The following ABI3BP variants were observed in gnomAD, a reference collection of about 807,000 sequenced individuals.
ABI3BP encodes the protein target of Nesh-SH3.
Under a neutral mutation model 268.6 loss-of-function variants are expected in ABI3BP, and 216 were observed. The ratio of observed to expected loss-of-function variants is 0.80; its 90% CI spans 0.72 to 0.90. The LOEUF is 0.90. ABI3BP is among the 40% of genes least tolerant of loss of function. The pLI, the probability that ABI3BP is intolerant of heterozygous loss-of-function variation, is 0.00. For missense variants in ABI3BP, 2,090 were observed against 2,182.4 expected (o/e 0.96, Z 0.84); for synonymous variants, 730 against 730.0 (o/e 1.00, Z 0.00).
chr3:100,958,817 C>T (rs7641631), intron 1 of ABI3BP, among the ~76,000 whole-genome samples: 17,572 of 152,178 alleles, frequency 0.12, 1,295 homozygotes, highest in Middle Eastern at 0.2. Context: ...GACTATCATT[C>T]GAATACAGAA....
At chr3:100,787,639 A>G (rs997378656) in intron 57 of ABI3BP, 89 bp downstream of exon 57, 20 of 1,142,440 alleles carry the variant, frequency 1.8e-5, no homozygotes, top group Non-Finnish European at 2.4e-5. Context: ...TAAAAAGGAA[A>G]TTAAAATGTG....
rs189052681 is a variant in ABI3BP at position 100,961,729 on chromosome 3, A to G, written c.79+31577T>C. 1.0e-3 allele frequency among the ~76,000 whole-genome samples: 154 copies of G among 152,284 alleles called. No homozygotes were observed. In the Middle Eastern group the frequency reaches 0.027, roughly 27 times the overall value. ...CCTTCAATAAATCTGTTCCACTTCC[A>G]AAGGATCCCACTCTTTAACCACAGC... On this transcript the variant is annotated intron_variant, in intron 1 of 67. Transcript: ENST00000471714.
At chr3:100,825,513 C>A (rs115338783) in intron 35 of ABI3BP, among the ~76,000 whole-genome samples, 68 of 152,162 alleles carry the variant, frequency 4.5e-4, no homozygotes, top group African/African-American at 1.5e-3. Context: ...GCAAATGAAG[C>A]ACAGGATGAC....
intron 2 of ABI3BP, among the ~76,000 whole-genome samples, chr3:100,920,202 C>T (rs1182856422): frequency 6.6e-6 from 1 of 152,130 alleles, no homozygotes; most frequent in African/African-American, 2.4e-5. Flanking sequence ...ACAAAAACCA[C>T]AAAACTGCCA....
chr3:100,927,853 C>T (rs747508365), intron 1 of ABI3BP, among the ~76,000 whole-genome samples: 1 of 152,048 alleles, frequency 6.6e-6, no homozygotes, highest in African/African-American at 2.4e-5. Flanking sequence ...TTAAACCTGG[C>T]CCATAGTAAT....
intron 1 of ABI3BP, among the ~76,000 whole-genome samples, chr3:100,988,192 C>T (rs962155588): frequency 2.0e-5 from 3 of 152,138 alleles, no homozygotes; most frequent in African/African-American, 7.2e-5. Context: ...GTGGACTGAG[C>T]TGTTGGAGTG....
intron 35 of ABI3BP, 59 bp downstream of exon 35, chr3:100,825,726 A>C: frequency 7.7e-7 from 1 of 1,305,968 alleles, no homozygotes; most frequent in South Asian, 1.3e-5. Context: ...GACTGAATGG[A>C]CTGTACAACA....
intron 14 of ABI3BP, among the ~76,000 whole-genome samples, chr3:100,854,188 TAAA>T (rs56306514): frequency 7.8e-6 from 1 of 128,926 alleles, no homozygotes. Flanking sequence ...CTGTCTCTAC[TAAA>T]AAAAAAAAAA....
In ABI3BP at chr3:100,864,895, G is replaced by A. The variant is rs764080763; in HGVS notation, c.1001C>T (p.Thr334Ile). Residue 334 changes from threonine to isoleucine, a missense_variant, in exon 11 of 68, where the codon ACA becomes ATA. Transcript: ENST00000471714. ...AGTGGGTTTAGTGCTTCTTGGAACT[G>A]TTTCAGGAGTCACTGAAAGGTAAAA... ...SARPTTVTPE[T>I]VPRSTKPTTS... 1.1e-5 allele frequency: 17 copies of A among 1,605,736 alleles called. No individual in the cohort carries two copies. The highest frequency in any genetic ancestry group is 1.4e-5 in the Non-Finnish European group (17 of 1,176,914).
At chr3:100,752,980 C>T in intron 65 of ABI3BP, 32 bp from the exon 66 acceptor site, 4 of 1,584,438 alleles carry the variant, frequency 2.5e-6, no homozygotes, top group Non-Finnish European at 3.4e-6. Flanking sequence ...AGTTTAGTAT[C>T]TGACTCTTGG....
intron 1 of ABI3BP, among the ~76,000 whole-genome samples, chr3:100,934,631 C>G (rs1025846511): frequency 1.3e-5 from 2 of 152,148 alleles, no homozygotes; most frequent in Admixed American, 6.5e-5. Flanking sequence ...TCTCCACATC[C>G]TCTCCAGCAT....
intron 62 of ABI3BP, among the ~76,000 whole-genome samples, chr3:100,769,316 A>G (rs1267294789): frequency 2.6e-5 from 4 of 152,234 alleles, no homozygotes; most frequent in African/African-American, 9.6e-5. Context: ...CCTCTGTATC[A>G]TGTGACAGAT....
intron 1 of ABI3BP, among the ~76,000 whole-genome samples, chr3:100,937,756 T>C (rs932459405): frequency 6.6e-6 from 1 of 152,090 alleles, no homozygotes; most frequent in Non-Finnish European, 1.5e-5. Flanking sequence ...TCCAACGTAG[T>C]CTATGCTCTG....
At chr3:100,838,561 A>T in intron 24 of ABI3BP, 97 bp from the exon 25 acceptor site, 3 of 1,018,286 alleles carry the variant, frequency 2.9e-6, no homozygotes, top group Non-Finnish European at 4.4e-6. Context: ...TATAAATTCA[A>T]CGAATCTATA....
chr3:100,823,544 A>AT, intron 36 of ABI3BP, 30 bp from the exon 37 acceptor site: 1 of 1,502,094 alleles, frequency 6.7e-7, no homozygotes, highest in Non-Finnish European at 8.9e-7. Flanking sequence ...AATCAAAGAG[A>AT]TTTTTAAACA....
At chr3:100,862,657 G>A (rs1022623071) in intron 13 of ABI3BP, 181 bp downstream of exon 13, 3 of 598,448 alleles carry the variant, frequency 5.0e-6, no homozygotes, top group Admixed American at 6.6e-5. Context: ...TAAGACTGAT[G>A]GGTTTTACCG....
intron 6 of ABI3BP, among the ~76,000 whole-genome samples, chr3:100,881,492 G>T (rs374013096): frequency 8.5e-5 from 13 of 152,216 alleles, no homozygotes; most frequent in African/African-American, 3.1e-4. Flanking sequence ...TCAAAAATCT[G>T]TTAATAAGTG....
chr3:100,960,853 G>C (rs765359459), intron 1 of ABI3BP, among the ~76,000 whole-genome samples: 5 of 152,144 alleles, frequency 3.3e-5, no homozygotes, highest in Admixed American at 2.0e-4. Flanking sequence ...AATGAGCCTG[G>C]AAGTGGATTC....
chr3:100,951,595 C>T (rs1296993885), intron 1 of ABI3BP, among the ~76,000 whole-genome samples: 1 of 151,918 alleles, frequency 6.6e-6, no homozygotes, highest in Non-Finnish European at 1.5e-5. Context: ...TTATCTTTCT[C>T]AAAACCAGTT....
Sources: gnomAD v4.1 joint callset for allele counts (sites outside exome capture counted in the v4.1 genomes callset) on GRCh38, gnomAD v4.1.1 for gene constraint, MANE v1.5 for transcripts, NCBI Gene and HGNC (gene_info 2026-07-23, HGNC 2026-07-21) for gene names.